Variants in STAB2 observed in about 807,000 individuals in gnomAD.
STAB2 encodes the protein stabilin-2.
STAB2 carries 288 observed loss-of-function variants against 338.1 expected under a neutral mutation model. The ratio of observed to expected loss-of-function variants is 0.85; its 90% CI spans 0.77 to 0.94. STAB2 has a LOEUF of 0.94. STAB2 is among the 40% of genes least tolerant of loss of function. The pLI is 0.00. For missense variants in STAB2, 3,141 were observed against 3,210.1 expected, an observed-to-expected ratio of 0.98 and a Z score of 0.52; for synonymous variants, 1,202 against 1,193.3, an observed-to-expected ratio of 1.01 and a Z score of -0.15.
intron 2 of STAB2, 148 bp from the exon 3 acceptor site, chr12:103,594,247 G>T (rs2138538190): frequency 3.5e-6 from 2 of 565,490 alleles, no homozygotes; most frequent in African/African-American, 1.9e-5. Flanking sequence ...TAAGTTTTAT[G>T]CTACCTAGAA....
At chr12:103,590,207 A>C (rs1386771300) in intron 1 of STAB2, among the ~76,000 whole-genome samples, 1 of 152,214 alleles carries the variant, frequency 6.6e-6, no homozygotes. Context: ...TTATGTTGCT[A>C]AATAACTGTT....
intron 12 of STAB2, among the ~76,000 whole-genome samples, chr12:103,653,324 G>C (rs1483520463): frequency 6.6e-6 from 1 of 152,164 alleles, no homozygotes; most frequent in Admixed American, 6.5e-5. Context: ...TTGAGTGCTT[G>C]TTCTAAGCAA....
At position 103,610,493 on chromosome 12, in the gene STAB2, A is replaced by C. The variant is rs535010299; in HGVS notation, c.332-9975A>C. On this transcript the variant is annotated intron_variant, in intron 3 of 68. Coordinates refer to ENST00000388887, the MANE Select transcript of STAB2 (RefSeq NM_017564.10). ...TTTGCGTGGAGGTGTTTATAATATTATCTGATGGTAGTTTGTATTTCTGTG... is the reference window on the plus strand; with the variant it reads ...TTTGCGTGGAGGTGTTTATAATATTCTCTGATGGTAGTTTGTATTTCTGTG... Among the ~76,000 whole-genome samples the C allele has an allele frequency of 2.0e-5, 3 of 152,148 alleles. No homozygotes were observed. In the East Asian group the frequency reaches 5.8e-4, roughly 29 times the overall value.
chr12:103,679,689 T>C (rs1593225061), intron 25 of STAB2, among the ~76,000 whole-genome samples: 1 of 152,248 alleles, frequency 6.6e-6, no homozygotes, highest in East Asian at 1.9e-4. Flanking sequence ...AAGTGTAAAA[T>C]GGTACAGCTG....
Position 103,766,513 on chromosome 12 carries a change from C to A in STAB2, c.*177C>A. 1 of 661,208 alleles carries A rather than the reference C, an allele frequency of 1.5e-6. No individual in the cohort carries two copies. The highest frequency in any genetic ancestry group is 2.5e-6 in the Non-Finnish European group (1 of 395,736). 41.0% of individuals were successfully genotyped at this position (661,208 alleles called of 1,614,324 possible). A position where few individuals can be genotyped will look rare whatever the true frequency, so the allele number is the denominator to read the frequency against. On this transcript the variant is annotated 3_prime_UTR_variant, in exon 69 of 69. Transcript: ENST00000388887. ...TGGGTGAGAGATGTGTTGCTGTGCC[C>A]ACCCAGTACAGCTTCCTCCTCTGAC...
chr12:103,669,630 G>C lies in STAB2; in HGVS notation c.2259+3G>C. 1.2e-5 allele frequency: 19 copies of C among 1,612,920 alleles called. No homozygotes were observed. Among genetic ancestry groups the C allele is most frequent in the Non-Finnish European group, 1.6e-5 (19 of 1,179,012 alleles). The stretch of plus-strand genomic sequence containing the variant: ...ATCCATGCTCAGGAAATGGACAGGT[G>C]AATACTGAAGACTGGCCTTCCATAA... On this transcript the variant is annotated splice_donor_region_variant and intron_variant, in intron 21 of 68. Transcript: ENST00000388887.
chr12:103,726,170 A>G lies in STAB2; in HGVS notation c.4851+7A>G, dbSNP rs1412668903. 2 of 1,613,848 alleles carry G rather than the reference A, an allele frequency of 1.2e-6. No individual in the cohort carries two copies. Among genetic ancestry groups the G allele is most frequent in the Non-Finnish European group, 1.7e-6 (2 of 1,179,806 alleles). The stretch of plus-strand genomic sequence containing the variant: ...GTATTTCTTCCAGTTGCAGGTAGGA[A>G]ATATACATGTCTGTCTAGCCATAAG... On this transcript the variant is annotated splice_region_variant and intron_variant, in intron 46 of 68. Coordinates refer to ENST00000388887, the MANE Select transcript of STAB2 (RefSeq NM_017564.10).
chr12:103,708,533 A>G lies in STAB2; in HGVS notation c.4285A>G (p.Asn1429Asp). 3.1e-6 allele frequency: 5 copies of G among 1,614,012 alleles called. No individual in the cohort carries two copies. Among genetic ancestry groups the G allele is most frequent in the Non-Finnish European group, 4.2e-6 (5 of 1,179,884 alleles). The change falls in exon 39 of 69, where the codon AAT (asparagine) becomes GAT (aspartate). Residue 1429 changes from asparagine (N) to aspartate (D), a missense_variant. Physicochemically the swap from Asn to Asp is conservative, Grantham distance 23 (BLOSUM62 1). Transcript: ENST00000388887. ...TGGCTGGCGAGGAGTGCATTGTGAC[A>G]ATGGTAAGAGTGAGGCCTCCAGTAT... ...DVGWRGVHCDNATTEDNCNGT... is the reference protein window; with the variant it reads ...DVGWRGVHCDDATTEDNCNGT...
Position 103,592,152 on chromosome 12 carries a change from G to T in STAB2, c.215+1122G>T, listed in dbSNP as rs572326077. On this transcript the variant is annotated intron_variant, in intron 2 of 68. Coordinates refer to ENST00000388887, the MANE Select transcript of STAB2 (RefSeq NM_017564.10). ...ACTTTTACCTGTTCCTCCTTTTGGA[G>T]GTTAGATTCTAATACGATGATTGAA... The T allele has an allele frequency of 5.3e-5, 8 of 152,256 alleles. No homozygotes were observed. The East Asian group carries it at 7.7e-4, about 15-fold the overall frequency. The allele number at this position is 152,256 out of a possible 1,614,324, so 9.4% of individuals were successfully genotyped here. A position where few individuals can be genotyped will look rare whatever the true frequency, so the allele number is the denominator to read the frequency against.
At chr12:103,654,727 G>A (rs1189897931) in intron 13 of STAB2, 29 bp downstream of exon 13, 1 of 1,606,580 alleles carries the variant, frequency 6.2e-7, no homozygotes, top group Non-Finnish European at 8.5e-7. Context: ...GTCACATCAG[G>A]CCAGGTCCAT....
chr12:103,623,485 G>A (rs1957335330), intron 5 of STAB2, among the ~76,000 whole-genome samples: 1 of 152,192 alleles, frequency 6.6e-6, no homozygotes, highest in East Asian at 1.9e-4. Context: ...GGAGGCAGAA[G>A]AGGAGTGTCA....
Position 103,587,379 on chromosome 12 carries a change from A to C in STAB2, c.-98A>C. 1.0e-6 allele frequency: 1 copy of C among 997,436 alleles called. No homozygotes were observed. Among genetic ancestry groups the C allele is most frequent in the Non-Finnish European group, 1.5e-6 (1 of 656,894 alleles). 61.8% of individuals were successfully genotyped at this position (997,436 alleles called of 1,614,324 possible). On this transcript the variant is annotated 5_prime_UTR_variant, in exon 1 of 69. Coordinates refer to ENST00000388887, the MANE Select transcript of STAB2 (RefSeq NM_017564.10). ...GGAAGGGATTTAAAAGTAAACAGTG[A>C]AATGAGAAAGAATTCACTGGGAGTT...
At chr12:103,610,636 C>G (rs2138596116) in intron 3 of STAB2, among the ~76,000 whole-genome samples, 1 of 152,250 alleles carries the variant, frequency 6.6e-6, no homozygotes, top group East Asian at 1.9e-4. Flanking sequence ...TTCAAAAAAC[C>G]AGCTCCTGGA....
At chr12:103,665,599 C>G (rs1368818250) in intron 18 of STAB2, among the ~76,000 whole-genome samples, 1 of 152,104 alleles carries the variant, frequency 6.6e-6, no homozygotes, top group East Asian at 1.9e-4. Context: ...GGTACCAAAG[C>G]AGAGAGGGAG....
rs1288548976 is a variant in STAB2 at position 103,620,527 on chromosome 12, G to A, written c.391G>A (p.Glu131Lys). The change falls in exon 4 of 69, where the codon GAA (glutamate) becomes AAA (lysine). Residue 131 changes from glutamate to lysine, a missense_variant. Coordinates refer to ENST00000388887, the MANE Select transcript of STAB2 (RefSeq NM_017564.10). ...NGRGSCAEGM[E>K]GNGTCSCQEG... ...CAGAGGCAGTTGTGCTGAAGGCATG[G>A]AAGGAAATGGAACCTGCTCCTGCCA... 6.3e-7 allele frequency: 1 copy of A among 1,575,374 alleles called. No homozygotes were observed. The highest frequency in any genetic ancestry group is 8.6e-7 in the Non-Finnish European group (1 of 1,158,988).
rs758072314 is a variant in STAB2, at chr12:103,745,223, G to A, written c.6082G>A (p.Gly2028Arg). The stretch of plus-strand genomic sequence containing the variant: ...GTGCGATGATGGCATCACGGGCTCC[G>A]GGCAGTGCCTCTGTGAAACGGGGTG... Reference protein sequence around the residue: ...GQCDDGITGSGQCLCETGWTG... With the variant: ...GQCDDGITGSRQCLCETGWTG... Residue 2028 changes from glycine to arginine, a missense_variant, in exon 57 of 69, where the codon GGG (glycine) becomes AGG (arginine). Gly to Arg is a moderately radical substitution (Grantham distance 125, BLOSUM62 -2). Transcript: ENST00000388887. The A allele has an allele frequency of 3.0e-5, 49 of 1,613,852 alleles. No homozygotes were observed. Among genetic ancestry groups the A allele is most frequent in the Middle Eastern group, 1.6e-4 (1 of 6,078 alleles).
At chr12:103,594,607 A>T (rs17034187) in intron 3 of STAB2, 97 bp downstream of exon 3, 140,163 of 975,886 alleles carry the variant, frequency 0.14, 12,119 homozygotes, top group South Asian at 0.31. Flanking sequence ...GAAGAATGTT[A>T]ACATCCGTTT....
intron 3 of STAB2, among the ~76,000 whole-genome samples, chr12:103,603,148 G>A (rs1956978463): frequency 6.6e-6 from 1 of 152,112 alleles, no homozygotes; most frequent in Non-Finnish European, 1.5e-5. Context: ...TCGGCTCACT[G>A]CAAGCTCTGC....
intron 63 of STAB2, 111 bp downstream of exon 63, chr12:103,755,829 G>T: frequency 1.0e-6 from 1 of 981,982 alleles, no homozygotes. Flanking sequence ...TAAGAGCATG[G>T]GTGCTGGACC....
Sources: allele counts gnomAD v4.1 joint callset (sites outside exome capture counted in the v4.1 genomes callset), GRCh38; gene constraint gnomAD v4.1.1; transcripts MANE v1.5; gene names NCBI Gene and HGNC (gene_info 2026-07-23, HGNC 2026-07-21).